Variants in THSD7A observed in about 807,000 individuals in gnomAD.
THSD7A encodes thrombospondin type-1 domain-containing protein 7A.
THSD7A carries 96 observed loss-of-function variants against 231.3 expected under a neutral mutation model. That is an observed-to-expected ratio of 0.41 (90% CI 0.35 to 0.49). The LOEUF (loss-of-function observed/expected upper bound fraction) is 0.49, where lower values mean the gene tolerates loss of function less well. Ranked by LOEUF, THSD7A falls within the 20% of genes least tolerant of loss-of-function variation. THSD7A has a pLI of 0.05. For missense variants in THSD7A, 2,290 were observed against 2,070.2 expected, an observed-to-expected ratio of 1.11 and a Z score of -2.06; for synonymous variants, 940 against 743.3, an observed-to-expected ratio of 1.26 and a Z score of -4.30.
intron 1 of THSD7A, among the ~76,000 whole-genome samples, chr7:11,728,357 C>T (rs1417136197): frequency 6.6e-6 from 1 of 151,814 alleles, no homozygotes; most frequent in Non-Finnish European, 1.5e-5. Flanking sequence ...TGGAGTTTTC[C>T]TATACATTGA....
chr7:11,629,411 C>CGTGAT (rs965842451), intron 2 of THSD7A, among the ~76,000 whole-genome samples: 4 of 152,090 alleles, frequency 2.6e-5, no homozygotes, highest in Non-Finnish European at 5.9e-5. Context: ...GCTTGCGAGA[C>CGTGAT]GTGATGATGA....
chr7:11,390,297 G>C (rs900418109), intron 23 of THSD7A, among the ~76,000 whole-genome samples: 1 of 152,092 alleles, frequency 6.6e-6, no homozygotes, highest in Non-Finnish European at 1.5e-5. Flanking sequence ...GGCTTTGTTT[G>C]TTCCTTTTTA....
Position 11,656,399 on chromosome 7 carries a change from G to A in THSD7A, c.191-19438C>T, listed in dbSNP as rs2128371076. 1.3e-5 allele frequency among the ~76,000 whole-genome samples: 2 copies of A among 151,928 alleles called. 1 individual carries two copies. Among genetic ancestry groups the A allele is most frequent in the South Asian group, 4.1e-4 (2 of 4,828 alleles). On this transcript the variant is annotated intron_variant, in intron 1 of 27. Transcript: ENST00000423059. ...CTACCAAATGCTCATTGTCTGCTAA[G>A]GTACAACGGTCATAGGGGCTCACAG...
chr7:11,774,166 G>A (rs2128172510), intron 1 of THSD7A, among the ~76,000 whole-genome samples: 1 of 152,172 alleles, frequency 6.6e-6, no homozygotes, highest in Middle Eastern at 3.4e-3. Context: ...AAGAAAATAA[G>A]GAAATTCTAA....
At chr7:11,471,557 C>T (rs373385700) in intron 8 of THSD7A, among the ~76,000 whole-genome samples, 38 of 152,048 alleles carry the variant, frequency 2.5e-4, no homozygotes, top group African/African-American at 8.4e-4. Context: ...TAGATCAATG[C>T]TCTCCTCTCT....
rs189349994 is a variant in THSD7A, at chr7:11,634,622, C to T, written c.1022+1508G>A. On this transcript the variant is annotated intron_variant, in intron 2 of 27. Transcript: ENST00000423059. The surrounding 1 kb of genome is among the most constrained non-coding windows in gnomAD (Gnocchi z 4.1). Reference sequence around the variant, plus strand: ...ACACACACACACACATACACACACACACATTTAAGGAGTTGTAGGAAACCT... The same window carrying T: ...ACACACACACACACATACACACACATACATTTAAGGAGTTGTAGGAAACCT... Among the ~76,000 whole-genome samples the T allele has an allele frequency of 1.3e-3, 199 of 152,130 alleles. 1 individual carries two copies. The highest frequency in any genetic ancestry group is 3.4e-3 in the Middle Eastern group (1 of 294).
chr7:11,817,738 G>A (rs1048667895), intron 1 of THSD7A, among the ~76,000 whole-genome samples: 2 of 151,972 alleles, frequency 1.3e-5, no homozygotes, highest in African/African-American at 4.8e-5. Flanking sequence ...ATCTGTAGAG[G>A]TAGTTACTAA....
intron 13 of THSD7A, 141 bp from the exon 14 acceptor site, chr7:11,429,266 AC>A (rs1784410411): frequency 2.8e-6 from 2 of 725,240 alleles, no homozygotes; most frequent in East Asian, 6.1e-5. Flanking sequence ...GTTGTAAGGG[AC>A]TTGAATTAAA....
chr7:11,755,584 C>T (rs1425457099), intron 1 of THSD7A, among the ~76,000 whole-genome samples: 3 of 151,994 alleles, frequency 2.0e-5, no homozygotes, highest in Non-Finnish European at 1.5e-5. Flanking sequence ...GAAAGAGCCT[C>T]GGATGGCAGC....
chr7:11,803,709 T>C (rs1267193233), intron 1 of THSD7A, among the ~76,000 whole-genome samples: 1 of 152,144 alleles, frequency 6.6e-6, no homozygotes, highest in Admixed American at 6.6e-5. Flanking sequence ...TTTAATTCTA[T>C]GTATTGTTTC....
intron 8 of THSD7A, among the ~76,000 whole-genome samples, chr7:11,473,468 G>A (rs1291259711): frequency 6.6e-6 from 1 of 152,100 alleles, no homozygotes; most frequent in African/African-American, 2.4e-5. Context: ...TAGTAAATAT[G>A]AGGCCACTTT....
At chr7:11,821,556 T>G (rs538947702) in intron 1 of THSD7A, among the ~76,000 whole-genome samples, 2 of 152,306 alleles carry the variant, frequency 1.3e-5, no homozygotes, top group South Asian at 4.1e-4. Context: ...AGAATGCAGA[T>G]AATTTGCTTG....
At chr7:11,514,334 A>G (rs568339551) in intron 6 of THSD7A, among the ~76,000 whole-genome samples, 1 of 152,288 alleles carries the variant, frequency 6.6e-6, no homozygotes, top group South Asian at 2.1e-4. Context: ...TATACCCTCT[A>G]CATCTAAAAC....
At position 11,647,105 on chromosome 7, in the gene THSD7A, A is replaced by G. The variant is rs182525789; in HGVS notation, c.191-10144T>C. ...CATAAAATTGCTTGAAGTAGCACAT[A>G]GGCGGTTCCTGATATAATTTATCCC... On this transcript the variant is annotated intron_variant, in intron 1 of 27. Transcript: ENST00000423059. Among the ~76,000 whole-genome samples the G allele has an allele frequency of 2.6e-5, 4 of 152,168 alleles. No individual in the cohort carries two copies. In the East Asian group the frequency reaches 7.8e-4, roughly 30 times the overall value.
At chr7:11,469,415 A>G (rs547054724) in intron 9 of THSD7A, among the ~76,000 whole-genome samples, 3 of 152,300 alleles carry the variant, frequency 2.0e-5, no homozygotes, top group Admixed American at 6.5e-5. Context: ...ACATGCTGGC[A>G]GAGAAACAAT....
intron 4 of THSD7A, among the ~76,000 whole-genome samples, chr7:11,560,248 T>G (rs935354630): frequency 1.3e-5 from 2 of 152,160 alleles, no homozygotes; most frequent in African/African-American, 2.4e-5. Flanking sequence ...GATAAATGCA[T>G]AAGTCTGAGA....
chr7:11,585,210 T>C (rs1319903841), intron 4 of THSD7A, among the ~76,000 whole-genome samples: 2 of 152,194 alleles, frequency 1.3e-5, no homozygotes, highest in African/African-American at 2.4e-5. Flanking sequence ...CTTAATCTAA[T>C]TCCCAGCATG....
chr7:11,705,396 C>A (rs1014780922), intron 1 of THSD7A, among the ~76,000 whole-genome samples: 17 of 150,974 alleles, frequency 1.1e-4, no homozygotes, highest in African/African-American at 3.9e-4. Flanking sequence ...TTTAAATAAG[C>A]AAGGCCTAGT....
intron 1 of THSD7A, among the ~76,000 whole-genome samples, chr7:11,822,049 G>A (rs1784890137): frequency 1.3e-5 from 2 of 152,024 alleles, no homozygotes; most frequent in African/African-American, 2.4e-5. Context: ...TTCCCAATAT[G>A]CTATTATTTG....
Sources: gnomAD v4.1 joint callset for allele counts (sites outside exome capture counted in the v4.1 genomes callset) on GRCh38, gnomAD v4.1.1 for gene constraint, Gnocchi (gnomAD v3.1) non-coding constraint, MANE v1.5 for transcripts, NCBI Gene and HGNC (gene_info 2026-07-23, HGNC 2026-07-21) for gene names.